The following KMT5B variants were observed in gnomAD, a reference collection of about 807,000 sequenced individuals.
The protein encoded by KMT5B is lysine methyltransferase 5B.
In KMT5B, 10 loss-of-function variants were observed where a neutral mutation model predicts 83.2. That is an observed-to-expected ratio of 0.12 (90% CI 0.07 to 0.20). The LOEUF is 0.20. KMT5B is among the 10% of genes least tolerant of loss of function. The probability of loss-of-function intolerance (pLI) is 1.00; values close to 1 mark genes in which losing one functional copy is unlikely to be tolerated. For missense variants in KMT5B, 753 were observed against 1,067.2 expected, an observed-to-expected ratio of 0.71 and a Z score of 4.10; for synonymous variants, 349 against 388.8, an observed-to-expected ratio of 0.90 and a Z score of 1.20.
intron 1 of KMT5B, among the ~76,000 whole-genome samples, chr11:68,198,901 T>C (rs893800860): frequency 8.5e-5 from 13 of 152,192 alleles, no homozygotes; most frequent in African/African-American, 2.7e-4. Context: ...GGCTGATTTT[T>C]TGTATTTCTA....
chr11:68,179,967 G>T, intron 4 of KMT5B, 165 bp downstream of exon 4: 3 of 808,632 alleles, frequency 3.7e-6, no homozygotes, highest in Non-Finnish European at 1.9e-6. Context: ...AGTACAAGTG[G>T]TTTTTTAAAA....
chr11:68,184,949 AC>A (rs1250934097), intron 3 of KMT5B, among the ~76,000 whole-genome samples: 5 of 152,230 alleles, frequency 3.3e-5, no homozygotes, highest in Non-Finnish European at 7.3e-5. Flanking sequence ...CAAAACACTT[AC>A]ACATCCACTT....
intron 10 of KMT5B, 71 bp from the exon 11 acceptor site, chr11:68,159,242 C>T (rs1299259689): frequency 1.3e-6 from 2 of 1,496,408 alleles, no homozygotes; most frequent in Non-Finnish European, 1.8e-6. Context: ...TGCCCAAACC[C>T]AGGCTATTAG....
At chr11:68,191,146 C>T (rs1591024098) in intron 1 of KMT5B, among the ~76,000 whole-genome samples, 1 of 147,286 alleles carries the variant, frequency 6.8e-6, no homozygotes, top group African/African-American at 2.5e-5. Context: ...GAGGCAGGAG[C>T]CACCACATCC....
At position 68,158,349 on chromosome 11, in the gene KMT5B, G is replaced by C. The variant is rs778314058; in HGVS notation, c.1997C>G (p.Thr666Arg). 2 of 1,614,082 alleles carry C rather than the reference G, an allele frequency of 1.2e-6. No homozygotes were observed. The highest frequency in any genetic ancestry group is 2.7e-5 in the African/African-American group (2 of 74,934). Residue 666 changes from threonine to arginine, a missense_variant, in exon 11 of 11, where the codon ACA (threonine) becomes AGA (arginine). Thr to Arg is a moderately conservative substitution (Grantham distance 71). Around this residue, in one of 9 missense-constraint regions of KMT5B, gnomAD observed 397 missense variants for 395.9 expected, o/e 1.00. Transcript: ENST00000304363. ...ACCGACGGGTGAAGGAGCACAGTCT[G>C]TGTAGCTCACAGGCACGCCCACAGT... ...SGTVGVPVSY[T>R]DCAPSPVGCS...
intron 10 of KMT5B, chr11:68,166,588 C>G: frequency 4.0e-6 from 4 of 1,006,754 alleles, no homozygotes; most frequent in Non-Finnish European, 4.7e-6. Context: ...ATCATCTTTT[C>G]TAACAAACTG....
chr11:68,158,086 C>T lies in KMT5B; in HGVS notation c.2260G>A (p.Asp754Asn), dbSNP rs752017916. ...AGCTTTGCTACATAGAGATTGTTAT[C>T]GTTGTCATGGTCTTTGCTTAACTTG... is the stretch of plus-strand genomic sequence containing the variant. Reference protein sequence around the residue: ...SIKLSKDHDNDNNLYVAKLNN... With the variant: ...SIKLSKDHDNNNNLYVAKLNN... The change falls in exon 11 of 11, where the codon GAT (aspartate) becomes AAT (asparagine). Residue 754 changes from aspartate to asparagine, a missense_variant. Around this residue, in one of 9 missense-constraint regions of KMT5B, gnomAD observed 161 missense variants for 195.1 expected, o/e 0.83. Coordinates refer to ENST00000304363, the MANE Select transcript of KMT5B (RefSeq NM_017635.5). 3.7e-6 allele frequency: 6 copies of T among 1,614,138 alleles called. No homozygotes were observed. The highest frequency in any genetic ancestry group is 3.3e-5 in the Admixed American group (2 of 60,020).
intron 3 of KMT5B, among the ~76,000 whole-genome samples, chr11:68,184,233 G>A (rs1036510658): frequency 1.3e-5 from 2 of 151,964 alleles, no homozygotes; most frequent in Non-Finnish European, 2.9e-5. Flanking sequence ...TTAGCTGGGT[G>A]CAGTGGTGCA....
rs185204835 is a variant in KMT5B at position 68,158,936 on chromosome 11, G to A, written c.1410C>T (p.Leu470=). Residue 470 remains leucine, a synonymous_variant, in exon 11 of 11, where the codon CTC becomes CTT. Coordinates refer to ENST00000304363, the MANE Select transcript of KMT5B (RefSeq NM_017635.5). ...CTTTCAGTACTAAGTTTCCCATTTCGAGTTTTCTTGAAGCATTCTTTTGCT... is the reference window on the plus strand; with the variant it reads ...CTTTCAGTACTAAGTTTCCCATTTCAAGTTTTCTTGAAGCATTCTTTTGCT... ...RLEQKNASRK[L]EMGNLVLKEP... The A allele has an allele frequency of 9.0e-5, 146 of 1,613,554 alleles. No homozygotes were observed. In the African/African-American group the frequency reaches 1.7e-3, roughly 19 times the overall value.
intron 4 of KMT5B, among the ~76,000 whole-genome samples, chr11:68,179,130 A>C (rs1406369610): frequency 6.6e-6 from 1 of 150,954 alleles, no homozygotes; most frequent in Non-Finnish European, 1.5e-5. Context: ...TTGCCATTGA[A>C]CATCAGCACT....
chr11:68,174,024 G>T, intron 5 of KMT5B, 111 bp from the exon 6 acceptor site: 1 of 771,918 alleles, frequency 1.3e-6, no homozygotes, highest in Non-Finnish European at 2.2e-6. Flanking sequence ...GTAAGATCTA[G>T]CCTGAGCAAC....
intron 1 of KMT5B, 129 bp downstream of exon 1, chr11:68,213,009 G>T (rs1861154306): frequency 2.2e-5 from 2 of 91,222 alleles, no homozygotes; most frequent in Non-Finnish European, 4.5e-5. Flanking sequence ...CCCGGCCCCG[G>T]CCCCACCCGC....
chr11:68,172,263 C>T (rs1375460901), intron 6 of KMT5B, among the ~76,000 whole-genome samples: 1 of 152,134 alleles, frequency 6.6e-6, no homozygotes, highest in Non-Finnish European at 1.5e-5. Flanking sequence ...GACGGAATCT[C>T]GCTCTGTTGC....
chr11:68,174,801 C>T (rs73509350), intron 5 of KMT5B, among the ~76,000 whole-genome samples: 3,058 of 152,250 alleles, frequency 0.02, 108 homozygotes, highest in African/African-American at 0.069. Flanking sequence ...TCTTAGCCCC[C>T]ACAAAGTGCT....
intron 1 of KMT5B, among the ~76,000 whole-genome samples, chr11:68,191,173 T>TTGTGTGGGTG (rs1555037081): frequency 1.4e-5 from 2 of 139,172 alleles, no homozygotes; most frequent in Non-Finnish European, 3.1e-5. Flanking sequence ...TTTTAAAACT[T>TTGTGTGGGTG]TGTGTGTGTG....
chr11:68,161,197 A>T (rs948785108), intron 10 of KMT5B, among the ~76,000 whole-genome samples: 1 of 151,748 alleles, frequency 6.6e-6, no homozygotes, highest in Admixed American at 6.6e-5. Context: ...GTGATAGCAA[A>T]TTTTTTTTTA....
intron 1 of KMT5B, among the ~76,000 whole-genome samples, chr11:68,198,792 C>T (rs565725970): frequency 5.3e-5 from 8 of 152,284 alleles, no homozygotes; most frequent in South Asian, 4.1e-4. Context: ...TGCAGTGGCA[C>T]GATCTTGGCT....
In KMT5B at chr11:68,155,336, G is replaced by C. The variant is rs184394434; in HGVS notation, c.*2352C>G. On this transcript the variant is annotated 3_prime_UTR_variant, in exon 11 of 11. Coordinates refer to ENST00000304363, the MANE Select transcript of KMT5B (RefSeq NM_017635.5). The stretch of plus-strand genomic sequence containing the variant: ...CATCAACAGTGGCTGCTGAGTGCTT[G>C]TGCATACCGACTCCTGAGAGGCAGT... 1 of 152,308 alleles carries C rather than the reference G, an allele frequency of 6.6e-6. No homozygotes were observed. Among genetic ancestry groups the C allele is most frequent in the Non-Finnish European group, 1.5e-5 (1 of 68,028 alleles). 9.4% of individuals were successfully genotyped at this position (152,308 alleles called of 1,614,324 possible).
intron 10 of KMT5B, among the ~76,000 whole-genome samples, chr11:68,160,103 A>T (rs1226956456): frequency 6.6e-6 from 1 of 152,250 alleles, no homozygotes; most frequent in Non-Finnish European, 1.5e-5. Context: ...AATATTTTTT[A>T]AAATATAAGG....
Sources: allele counts gnomAD v4.1 joint callset (sites outside exome capture counted in the v4.1 genomes callset), GRCh38; gene constraint gnomAD v4.1.1; regional missense constraint gnomAD v4.1.1; transcripts MANE v1.5; gene names NCBI Gene and HGNC (gene_info 2026-07-23, HGNC 2026-07-21).